Variants in ERBB4 observed in about 807,000 individuals in gnomAD.
The protein encoded by ERBB4 is erb-b2 receptor tyrosine kinase 4.
A neutral mutation model predicts 158.0 loss-of-function variants in ERBB4; 42 were observed. The ratio of observed to expected loss-of-function variants is 0.27; its 90% CI spans 0.21 to 0.34. ERBB4 has a LOEUF of 0.34. Among genes scored for constraint, ERBB4 ranks in the 10% least tolerant of loss-of-function variants. The probability of loss-of-function intolerance (pLI) is 1.00; values close to 1 mark genes in which losing one functional copy is unlikely to be tolerated. For missense variants in ERBB4, 1,333 were observed against 1,624.1 expected (o/e 0.82, Z 3.08); for synonymous variants, 583 against 558.7 (o/e 1.04, Z -0.61).
At chr2:211,777,595 G>T (rs545044881) in intron 4 of ERBB4, 1 of 151,912 alleles carries the variant, frequency 6.6e-6, no homozygotes, top group Non-Finnish European at 1.5e-5. Context: ...CCCATTACAG[G>T]GTTCCTGCCT....
At chr2:212,331,090 C>CATATA (rs2088143663) in intron 1 of ERBB4, among the ~76,000 whole-genome samples, 1 of 32,662 alleles carries the variant, frequency 3.1e-5, no homozygotes, top group Non-Finnish European at 1.1e-4. Context: ...ATATATATGC[C>CATATA]CATAACACTT....
chr2:211,793,776 C>T (rs930281796), intron 3 of ERBB4, among the ~76,000 whole-genome samples: 11 of 151,844 alleles, frequency 7.2e-5, no homozygotes, highest in African/African-American at 2.4e-4. Context: ...TTGCTGCTAC[C>T]CCACTGGGTC....
At chr2:212,208,035 A>AT (rs1319058206) in intron 1 of ERBB4, among the ~76,000 whole-genome samples, 5 of 152,188 alleles carry the variant, frequency 3.3e-5, no homozygotes, top group Admixed American at 6.5e-5. Flanking sequence ...ATTGTAATAC[A>AT]TAAAAAACAG....
chr2:212,188,309 C>G (rs1390186048), intron 1 of ERBB4, among the ~76,000 whole-genome samples: 1 of 136,300 alleles, frequency 7.3e-6, no homozygotes, highest in Non-Finnish European at 1.6e-5. Flanking sequence ...CTCTCCCTCC[C>G]TCTCTATCCC....
intron 2 of ERBB4, among the ~76,000 whole-genome samples, chr2:212,044,839 T>TTTTC (rs1195038193): frequency 6.6e-6 from 1 of 152,062 alleles, no homozygotes; most frequent in Non-Finnish European, 1.5e-5. Context: ...TGAAAAAATA[T>TTTTC]TTTCTTTCTT....
intron 20 of ERBB4, among the ~76,000 whole-genome samples, chr2:211,464,313 T>C (rs1424572621): frequency 6.6e-6 from 1 of 152,210 alleles, no homozygotes; most frequent in Non-Finnish European, 1.5e-5. Flanking sequence ...TATGAATTAA[T>C]GATGAGGCAC....
At chr2:212,107,044 G>C (rs1020694682) in intron 2 of ERBB4, among the ~76,000 whole-genome samples, 8 of 152,230 alleles carry the variant, frequency 5.3e-5, no homozygotes, top group African/African-American at 1.7e-4. Context: ...AGGGAAATTT[G>C]GGGTGGGTGC....
At chr2:211,569,244 C>T (rs541592189) in intron 19 of ERBB4, among the ~76,000 whole-genome samples, 7 of 152,300 alleles carry the variant, frequency 4.6e-5, no homozygotes, top group Non-Finnish European at 7.4e-5. Context: ...AAGTCTACAT[C>T]GGGAAAGAAT....
At chr2:212,271,508 A>G (rs540185636) in intron 1 of ERBB4, among the ~76,000 whole-genome samples, 14 of 151,950 alleles carry the variant, frequency 9.2e-5, no homozygotes, top group African/African-American at 3.4e-4. Context: ...ATTTATCAGT[A>G]TCTTTAATAA....
rs78028103 is a variant in ERBB4 at position 211,963,009 on chromosome 2, T to C, written c.235-15393A>G. 1.2e-3 allele frequency among the ~76,000 whole-genome samples: 189 copies of C among 152,308 alleles called. 1 individual carries two copies. The highest frequency in any genetic ancestry group is 0.01 in the Middle Eastern group (3 of 294). On this transcript the variant is annotated intron_variant, in intron 2 of 27. Transcript: ENST00000342788. ...GGATAGCAGGTACATGTACCTAATA[T>C]GTTTTTCTGTGTGCTTAATATGTTT... is the stretch of plus-strand genomic sequence containing the variant.
chr2:212,500,653 G>A (rs1690838151), intron 1 of ERBB4, among the ~76,000 whole-genome samples: 1 of 152,116 alleles, frequency 6.6e-6, no homozygotes. Context: ...ATCTAACCTT[G>A]CTACACAAAG....
intron 20 of ERBB4, among the ~76,000 whole-genome samples, chr2:211,487,836 C>A (rs1186654667): frequency 6.6e-6 from 1 of 151,992 alleles, no homozygotes; most frequent in Non-Finnish European, 1.5e-5. Flanking sequence ...TAACCACTGG[C>A]CAGAGTAATT....
intron 1 of ERBB4, among the ~76,000 whole-genome samples, chr2:212,236,321 TG>T (rs2083872162): frequency 6.6e-6 from 1 of 152,196 alleles, no homozygotes; most frequent in Non-Finnish European, 1.5e-5. Flanking sequence ...GAAACCAACT[TG>T]ATTGTGGTGG....
chr2:212,274,291 C>T (rs1216424420), intron 1 of ERBB4, among the ~76,000 whole-genome samples: 1 of 151,826 alleles, frequency 6.6e-6, no homozygotes, highest in Non-Finnish European at 1.5e-5. Context: ...GGGAGCACTT[C>T]CAGCATCACT....
chr2:211,630,730 G>C (rs920869754), intron 16 of ERBB4, 136 bp from the exon 17 acceptor site: 3 of 822,420 alleles, frequency 3.6e-6, no homozygotes, highest in Non-Finnish European at 5.8e-6. Flanking sequence ...AAATATAAAA[G>C]TGCATTAGGT....
At chr2:211,572,314 A>G (rs1025800788) in intron 19 of ERBB4, among the ~76,000 whole-genome samples, 1 of 152,238 alleles carries the variant, frequency 6.6e-6, no homozygotes, top group African/African-American at 2.4e-5. Flanking sequence ...AAATTTTAGA[A>G]TAAAGAAGTT....
chr2:211,885,405 A>G (rs1450384075), intron 3 of ERBB4, among the ~76,000 whole-genome samples: 1 of 152,204 alleles, frequency 6.6e-6, no homozygotes. Flanking sequence ...AAGAATAAAG[A>G]AAAAGAATAA....
intron 1 of ERBB4, among the ~76,000 whole-genome samples, chr2:212,332,685 C>A (rs1245723050): frequency 6.6e-6 from 1 of 151,970 alleles, no homozygotes; most frequent in East Asian, 1.9e-4. Flanking sequence ...TCATTTCTTT[C>A]CTGGGTTGTA....
At chr2:212,095,979 T>TTA (rs1209361531) in intron 2 of ERBB4, among the ~76,000 whole-genome samples, 1 of 151,222 alleles carries the variant, frequency 6.6e-6, no homozygotes, top group East Asian at 1.9e-4. Context: ...AAGGTAAGTT[T>TTA]TATATATAAT....
Sources: allele counts gnomAD v4.1 joint callset (sites outside exome capture counted in the v4.1 genomes callset), GRCh38; gene constraint gnomAD v4.1.1; transcripts MANE v1.5; gene names NCBI Gene and HGNC (gene_info 2026-07-23, HGNC 2026-07-21).